RNF5: variants seen among roughly 807,000 people sequenced by gnomAD.
RNF5 encodes the protein ring finger protein 5, also known as E3 ubiquitin-protein ligase RNF5.
Under a neutral mutation model 24.4 loss-of-function variants are expected in RNF5, and 16 were observed. The ratio of observed to expected loss-of-function variants is 0.66; its 90% confidence interval spans 0.44 to 1.00. The LOEUF (loss-of-function observed/expected upper bound fraction) is 1.00, where lower values mean the gene tolerates loss of function less well. Ranked by LOEUF, RNF5 falls within the 50% of genes least tolerant of loss-of-function variation. The pLI is 0.00. For missense variants in RNF5, 185 were observed against 236.7 expected (o/e 0.78, Z 1.43); for synonymous variants, 64 against 88.5 (o/e 0.72, Z 1.55).
chr6:32,178,838 A>T (rs543554669), intron 1 of RNF5, among the ~76,000 whole-genome samples, 187 bp downstream of exon 1: 2 of 152,268 alleles, frequency 1.3e-5, no homozygotes, highest in Admixed American at 6.5e-5. Flanking sequence ...CTGTGGAAAG[A>T]AAGGTCTTAG....
At position 32,180,012 on chromosome 6, in the gene RNF5, T is replaced by G; in HGVS notation, c.331T>G (p.Phe111Val). The G allele has an allele frequency of 6.2e-7, 1 of 1,614,192 alleles. No individual in the cohort carries two copies. ...CTGACTTTTTCTGCCTCCCTAGGGA[T>G]TCCAGCCATTTGGTGATACCGGGGG... ...QRPAPESRGG[F>V]QPFGDTGGFH... is the part of the protein sequence containing the mutation. Residue 111 changes from phenylalanine (F) to valine (V), a missense_variant, in exon 5 of 6, where the codon TTC (phenylalanine) becomes GTC (valine). Phe to Val is a conservative substitution (Grantham distance 50). Coordinates refer to ENST00000375094, the MANE Select transcript of RNF5 (RefSeq NM_006913.4).
In RNF5 at chr6:32,179,461, G is replaced by A. The variant is rs1300318353; in HGVS notation, c.141-80G>A. On this transcript the variant is annotated intron_variant, in intron 1 of 5. Coordinates refer to ENST00000375094, the MANE Select transcript of RNF5 (RefSeq NM_006913.4). The surrounding 1 kb of genome is among the most constrained non-coding windows in gnomAD (Gnocchi z 5.4). ...GGTTGCTTGGGAAGAGGGGTTAGAT[G>A]GGATTCTGCGAAGTCTAGGGTCTGT... The A allele has an allele frequency of 7.0e-6, 11 of 1,569,056 alleles. No individual in the cohort carries two copies. In the African/African-American group the frequency reaches 1.4e-4, roughly 19 times the overall value.
At position 32,178,557 on chromosome 6, in the gene RNF5, C is replaced by T. The variant is rs377192058; in HGVS notation, c.46C>T (p.Arg16Cys). 1.2e-5 allele frequency: 20 copies of T among 1,609,370 alleles called. No homozygotes were observed. Among genetic ancestry groups the T allele is most frequent in the Non-Finnish European group, 1.7e-5 (20 of 1,178,618 alleles). Residue 16 changes from arginine (R) to cysteine (C), a missense_variant, in exon 1 of 6, where the codon CGC (arginine) becomes TGC (cysteine). Physicochemically the swap from Arg to Cys is radical, Grantham distance 180. Coordinates refer to ENST00000375094, the MANE Select transcript of RNF5 (RefSeq NM_006913.4). ...GGACGGGGGCCCCGAAGGGCCAAAT[C>T]GCGAGCGGGGCGGGGCGGGCGCGAC... Reference protein sequence around the residue: ...EEDGGPEGPNRERGGAGATFE... With the variant: ...EEDGGPEGPNCERGGAGATFE...
In RNF5 at chr6:32,179,735, C is replaced by T. The variant is rs539113875; in HGVS notation, c.244C>T (p.Arg82Ter). The change falls in exon 3 of 6, where the codon CGA becomes TGA. Residue 82 changes from arginine to a stop codon, truncating the protein, a stop_gained. Transcript: ENST00000375094. LOFTEE classifies it high-confidence loss of function. This position sits in a 1 kb window ranked among gnomAD's most constrained non-coding sequence, Gnocchi z 5.4. ...SREKVVPLYG[R>*]GSQKPQDPRL... ...AGAGAAGGTTGTCCCGCTTTATGGG[C>T]GAGGGAGCCAGAAGCCCCAGGATCC... is the stretch of plus-strand genomic sequence containing the variant. The T allele has an allele frequency of 1.9e-6, 3 of 1,613,924 alleles. No individual in the cohort carries two copies. The highest frequency in any genetic ancestry group is 1.7e-5 in the Admixed American group (1 of 59,996).
Position 32,180,063 on chromosome 6 carries a change from G to A in RNF5, c.382G>A (p.Ala128Thr), listed in dbSNP as rs1561864259. Residue 128 changes from alanine to threonine, a missense_variant, in exon 5 of 6, where the codon GCT becomes ACT. Ala to Thr is a moderately conservative substitution (Grantham distance 58, BLOSUM62 0). Coordinates refer to ENST00000375094, the MANE Select transcript of RNF5 (RefSeq NM_006913.4). Reference protein sequence around the residue: ...GGFHFSFGVGAFPFGFFTTVF... With the variant: ...GGFHFSFGVGTFPFGFFTTVF... ...CTTCCACTTCTCATTTGGTGTTGGT[G>A]CTTTTCCCTTTGGCTTTTTCACCAC... 1 of 1,614,170 alleles carries A rather than the reference G, an allele frequency of 6.2e-7. No homozygotes were observed. Among genetic ancestry groups the A allele is most frequent in the South Asian group, 1.1e-5 (1 of 91,088 alleles).
chr6:32,179,879 T>C lies in RNF5; in HGVS notation c.275T>C (p.Leu92Ser). 1 of 1,614,118 alleles carries C rather than the reference T, an allele frequency of 6.2e-7. No homozygotes were observed. Among genetic ancestry groups the C allele is most frequent in the East Asian group, 2.2e-5 (1 of 44,876 alleles). The change falls in exon 4 of 6, where the codon TTA becomes TCA. Residue 92 changes from leucine (L) to serine (S), a missense_variant and splice_region_variant. Coordinates refer to ENST00000375094, the MANE Select transcript of RNF5 (RefSeq NM_006913.4). This position sits in a 1 kb window ranked among gnomAD's most constrained non-coding sequence, Gnocchi z 5.4. ...RGSQKPQDPRLKTPPRPQGQR... is the reference protein window; with the variant it reads ...RGSQKPQDPRSKTPPRPQGQR... ...ACTTTCTCTCTCCACTTCCTCAGAT[T>C]AAAAACTCCACCCCGCCCCCAGGGC... is the stretch of plus-strand genomic sequence containing the variant.
In RNF5 at chr6:32,180,037, G is replaced by A; in HGVS notation, c.356G>A (p.Gly119Asp). 6.2e-7 allele frequency: 1 copy of A among 1,614,184 alleles called. No homozygotes were observed. Among genetic ancestry groups the A allele is most frequent in the South Asian group, 1.1e-5 (1 of 91,092 alleles). Residue 119 changes from glycine to aspartate, a missense_variant, in exon 5 of 6, where the codon GGC becomes GAC. Gly to Asp is a moderately conservative substitution (Grantham distance 94, BLOSUM62 -1). Transcript: ENST00000375094. ...GGFQPFGDTG[G>D]FHFSFGVGAF... ...TTCCAGCCATTTGGTGATACCGGGG[G>A]CTTCCACTTCTCATTTGGTGTTGGT...
Position 32,178,772 on chromosome 6 carries a change from G to A in RNF5, c.140+121G>A. ...GGGCACGTTCCCATAGGTGAAGCCC[G>A]ACAGGAGACATAAGACTTTGCTGGT... On this transcript the variant is annotated intron_variant, in intron 1 of 5. Transcript: ENST00000375094. 5.2e-6 allele frequency: 5 copies of A among 963,126 alleles called. 1 individual carries two copies. The highest frequency in any genetic ancestry group is 4.6e-5 in the Admixed American group (2 of 43,376). 59.7% of individuals were successfully genotyped at this position (963,126 alleles called of 1,614,324 possible). A position where few individuals can be genotyped will look rare whatever the true frequency, so the allele number is the denominator to read the frequency against.
Position 32,180,121 on chromosome 6 carries a change from G to T in RNF5, c.440G>T (p.Gly147Val). Residue 147 changes from glycine (G) to valine (V), a missense_variant, in exon 5 of 6, where the codon GGT (glycine) becomes GTT (valine). Physicochemically the swap from Gly to Val is moderately radical, Grantham distance 109. Transcript: ENST00000375094. ...VFNAHEPFRR[G>V]TGVDLGQGHP... is the part of the protein sequence containing the mutation. ...AATGCCCATGAGCCTTTCCGCCGGG[G>T]TACAGGTAAGAGTCACACTCAGCTC... The T allele has an allele frequency of 6.2e-7, 1 of 1,613,756 alleles. No homozygotes were observed. The highest frequency in any genetic ancestry group is 8.5e-7 in the Non-Finnish European group (1 of 1,179,978).
Position 32,179,014 on chromosome 6 carries a change from G to A in RNF5, c.140+363G>A, listed in dbSNP as rs1452933679. Reference sequence around the variant, plus strand: ...GTTAAGGGAGGCACGCATCAGTTGAGTCGGGGAGAACCAGGAAATATGGAT... The same window carrying A: ...GTTAAGGGAGGCACGCATCAGTTGAATCGGGGAGAACCAGGAAATATGGAT... On this transcript the variant is annotated intron_variant, in intron 1 of 5. Coordinates refer to ENST00000375094, the MANE Select transcript of RNF5 (RefSeq NM_006913.4). The surrounding 1 kb of genome is among the most constrained non-coding windows in gnomAD (Gnocchi z 5.4). Among the ~76,000 whole-genome samples the A allele has an allele frequency of 1.3e-5, 2 of 152,150 alleles. No individual in the cohort carries two copies. Among genetic ancestry groups the A allele is most frequent in the Non-Finnish European group, 2.9e-5 (2 of 68,034 alleles).
At chr6:32,178,880 G>A (rs9469089) in intron 1 of RNF5, among the ~76,000 whole-genome samples, 1 of 152,020 alleles carries the variant, frequency 6.6e-6, no homozygotes, top group Non-Finnish European at 1.5e-5. Context: ...GATGTGCTGA[G>A]AAGAGAAGGT....
chr6:32,180,617 T>G lies in RNF5; in HGVS notation c.*291T>G. 1 of 463,102 alleles carries G rather than the reference T, an allele frequency of 2.2e-6. No individual in the cohort carries two copies. The allele number at this position is 463,102 out of a possible 1,614,324, so 28.7% of individuals were successfully genotyped here. On this transcript the variant is annotated 3_prime_UTR_variant, in exon 6 of 6. Coordinates refer to ENST00000375094, the MANE Select transcript of RNF5 (RefSeq NM_006913.4). ...TCCTAAGTCTTTGCTTTCCCTGATT[T>G]CTTGATTTGATCTTCAAAGGTGGGC...
At chr6:32,180,204 TC>T in intron 5 of RNF5, 24 bp from the exon 6 acceptor site, 3 of 1,611,964 alleles carry the variant, frequency 1.9e-6, no homozygotes, top group Non-Finnish European at 2.5e-6. Context: ...AGCATATGCT[TC>T]CACAGCTTTC....
chr6:32,178,761 AG>A lies in RNF5; in HGVS notation c.140+112del, dbSNP rs926718740. ...AGATAATCGGAGGGCACGTTCCCAT[AG>A]GTGAAGCCCGACAGGAGACATAAGA... On this transcript the variant is annotated intron_variant, in intron 1 of 5. Transcript: ENST00000375094. 1.1e-5 allele frequency: 12 copies of A among 1,107,934 alleles called. No individual in the cohort carries two copies. The African/African-American group carries it at 1.9e-4, about 17-fold the overall frequency. 68.6% of individuals were successfully genotyped at this position (1,107,934 alleles called of 1,614,324 possible).
At chr6:32,178,769 C>A in intron 1 of RNF5, 118 bp downstream of exon 1, 1 of 1,015,456 alleles carries the variant, frequency 9.8e-7, no homozygotes, top group Non-Finnish European at 1.4e-6. Context: ...ATAGGTGAAG[C>A]CCGACAGGAG....
At chr6:32,178,725 TAC>T (rs1303329722) in intron 1 of RNF5, 74 bp downstream of exon 1, 8 of 1,426,704 alleles carry the variant, frequency 5.6e-6, no homozygotes, top group Non-Finnish European at 6.7e-6. Context: ...CGAATAATCA[TAC>T]AGTCATACAG....
In RNF5 at chr6:32,179,984, T is replaced by G. The variant is rs3134943; in HGVS notation, c.328-25T>G. ...TTCCTTGACAGATTTGCCGGCTTCC[T>G]GTCTGACTTTTTCTGCCTCCCTAGG... On this transcript the variant is annotated intron_variant, in intron 4 of 5. Coordinates refer to ENST00000375094, the MANE Select transcript of RNF5 (RefSeq NM_006913.4). This position sits in a 1 kb window ranked among gnomAD's most constrained non-coding sequence, Gnocchi z 5.4. 6.2e-7 allele frequency: 1 copy of G among 1,614,136 alleles called. No homozygotes were observed. Among genetic ancestry groups the G allele is most frequent in the Non-Finnish European group, 8.5e-7 (1 of 1,179,984 alleles).
rs1450044466 is a variant in RNF5, at chr6:32,180,547, C to T, written c.*221C>T. On this transcript the variant is annotated 3_prime_UTR_variant, in exon 6 of 6. Transcript: ENST00000375094. ...TCACTCAGTAACGTTGTTTAATTCT[C>T]TGCCCTGGGGAAGGAGGATGGATTG... 25 of 565,278 alleles carry T rather than the reference C, an allele frequency of 4.4e-5. No homozygotes were observed. Among genetic ancestry groups the T allele is most frequent in the Non-Finnish European group, 6.9e-5 (22 of 319,280 alleles). The allele number at this position is 565,278 out of a possible 1,614,324, so 35.0% of individuals were successfully genotyped here.
chr6:32,178,566 G>C lies in RNF5; in HGVS notation c.55G>C (p.Gly19Arg). 6.2e-7 allele frequency: 1 copy of C among 1,608,284 alleles called. No homozygotes were observed. Among genetic ancestry groups the C allele is most frequent in the Non-Finnish European group, 8.5e-7 (1 of 1,177,766 alleles). ...CCCCGAAGGGCCAAATCGCGAGCGG[G>C]GCGGGGCGGGCGCGACCTTCGAATG... Reference protein sequence around the residue: ...GGPEGPNRERGGAGATFECNI... With the variant: ...GGPEGPNRERRGAGATFECNI... The change falls in exon 1 of 6, where the codon GGC (glycine) becomes CGC (arginine). Residue 19 changes from glycine to arginine, a missense_variant. Physicochemically the swap from Gly to Arg is moderately radical, Grantham distance 125. Coordinates refer to ENST00000375094, the MANE Select transcript of RNF5 (RefSeq NM_006913.4).
Sources: gnomAD v4.1 joint callset for allele counts (sites outside exome capture counted in the v4.1 genomes callset) on GRCh38, gnomAD v4.1.1 for gene constraint, Gnocchi (gnomAD v3.1) non-coding constraint, MANE v1.5 for transcripts, NCBI Gene and HGNC (gene_info 2026-07-23, HGNC 2026-07-21) for gene names.